Variants in MAGI1 observed in about 807,000 individuals in gnomAD.
The protein encoded by MAGI1 is membrane associated guanylate kinase, WW and PDZ domain containing 1, also known as membrane-associated guanylate kinase, WW and PDZ domain-containing protein 1.
A neutral mutation model predicts 139.9 loss-of-function variants in MAGI1; 58 were observed. That is an observed-to-expected ratio of 0.41 (90% confidence interval 0.34 to 0.52). MAGI1 has a LOEUF of 0.52. Among genes scored for constraint, MAGI1 ranks in the 20% least tolerant of loss-of-function variants. MAGI1 has a pLI of 0.12. For missense variants in MAGI1, 1,874 were observed against 1,901.6 expected (o/e 0.99, Z 0.27); for synonymous variants, 812 against 737.9 (o/e 1.10, Z -1.63).
intron 1 of MAGI1, among the ~76,000 whole-genome samples, chr3:65,851,255 T>A (rs2059192025): frequency 6.6e-6 from 1 of 152,202 alleles, no homozygotes; most frequent in African/African-American, 2.4e-5. Flanking sequence ...TCAGGATTGT[T>A]GACGCTATCA....
chr3:65,885,450 G>A (rs1458575362), intron 1 of MAGI1, among the ~76,000 whole-genome samples: 1 of 151,906 alleles, frequency 6.6e-6, no homozygotes, highest in Non-Finnish European at 1.5e-5. Context: ...TCCCTATCAA[G>A]TATAATGAGG....
chr3:65,688,171 G>T (rs541316686), intron 1 of MAGI1: 2 of 771,238 alleles, frequency 2.6e-6, no homozygotes, highest in Non-Finnish European at 4.6e-6. Flanking sequence ...ACTGACCCCC[G>T]TGAGAGCGGC....
chr3:65,732,844 A>G (rs1182695320), intron 1 of MAGI1, among the ~76,000 whole-genome samples: 1 of 152,146 alleles, frequency 6.6e-6, no homozygotes, highest in East Asian at 1.9e-4. Flanking sequence ...TCTGGCAAAA[A>G]AACTATGACT....
chr3:65,551,359 C>A (rs530177389), intron 2 of MAGI1, among the ~76,000 whole-genome samples: 1 of 152,104 alleles, frequency 6.6e-6, no homozygotes, highest in Non-Finnish European at 1.5e-5. Context: ...GGAGTGCAGT[C>A]GCATGATCTT....
At chr3:65,891,310 A>G (rs1252110707) in intron 1 of MAGI1, among the ~76,000 whole-genome samples, 1 of 152,136 alleles carries the variant, frequency 6.6e-6, no homozygotes, top group Non-Finnish European at 1.5e-5. Context: ...TCTTTAAAGA[A>G]TGAGACAGAT....
intron 1 of MAGI1, among the ~76,000 whole-genome samples, chr3:65,942,459 G>C (rs1265011343): frequency 6.6e-6 from 1 of 152,104 alleles, no homozygotes; most frequent in Non-Finnish European, 1.5e-5. Context: ...TGGTCTCCCA[G>C]CCCCATTACC....
intron 2 of MAGI1, among the ~76,000 whole-genome samples, chr3:65,516,813 C>T (rs1393698083): frequency 2.1e-5 from 3 of 141,230 alleles, no homozygotes; most frequent in Non-Finnish European, 4.6e-5. Flanking sequence ...CTGCAAGCTC[C>T]GCCTCCCGGG....
chr3:65,608,644 G>A (rs954168665), intron 2 of MAGI1, among the ~76,000 whole-genome samples: 5 of 152,060 alleles, frequency 3.3e-5, no homozygotes, highest in African/African-American at 1.2e-4. Context: ...ACCAAATGTT[G>A]GTGAGGATGA....
At chr3:65,688,097 T>A (rs1055322717) in intron 1 of MAGI1, 7 of 758,524 alleles carry the variant, frequency 9.2e-6, no homozygotes, top group Non-Finnish European at 1.6e-5. Flanking sequence ...CCCTGAACAC[T>A]GCACATAGGT....
intron 1 of MAGI1, among the ~76,000 whole-genome samples, chr3:65,987,744 T>G (rs1327967087): frequency 1.7e-5 from 2 of 119,342 alleles, no homozygotes; most frequent in Admixed American, 8.9e-5. Flanking sequence ...TAATTTTGCA[T>G]TTTTTGTAGG....
At chr3:65,690,085 A>G (rs1024970113) in intron 1 of MAGI1, among the ~76,000 whole-genome samples, 4 of 152,202 alleles carry the variant, frequency 2.6e-5, no homozygotes, top group East Asian at 1.9e-4. Flanking sequence ...GAGTGGCTGC[A>G]AGGAAAGGAC....
rs777762657 is a variant in MAGI1 at position 65,470,299 on chromosome 3, C to T, written c.943G>A (p.Glu315Lys). 1 of 1,605,174 alleles carries T rather than the reference C, an allele frequency of 6.2e-7. No individual in the cohort carries two copies. Among genetic ancestry groups the T allele is most frequent in the Admixed American group, 1.7e-5 (1 of 59,946 alleles). Residue 315 changes from glutamate (E) to lysine (K), a missense_variant, in exon 5 of 23, where the codon GAA becomes AAA. By Grantham distance (56) the Glu-to-Lys change is moderately conservative. Coordinates refer to ENST00000402939, the MANE Select transcript of MAGI1 (RefSeq NM_001033057.2). The stretch of plus-strand genomic sequence containing the variant: ...ATACTTTACTCTATAAAATAGACTT[C>T]TCCATTTTCAGTATAGGCCATCTCC... The part of the protein sequence containing the change: ...NWEMAYTENG[E>K]VYFIDHNTKT...
At chr3:65,378,725 AGGC>A (rs1169137477) in intron 17 of MAGI1, among the ~76,000 whole-genome samples, 1 of 147,438 alleles carries the variant, frequency 6.8e-6, no homozygotes, top group Non-Finnish European at 1.5e-5. Flanking sequence ...TGTGTCACCC[AGGC>A]TGGAATGCAG....
At chr3:65,763,577 G>GA (rs953049952) in intron 1 of MAGI1, among the ~76,000 whole-genome samples, 3 of 151,828 alleles carry the variant, frequency 2.0e-5, no homozygotes, top group Non-Finnish European at 2.9e-5. Flanking sequence ...GAGGCATAAA[G>GA]AAAAAAAATA....
At position 65,530,624 on chromosome 3, in the gene MAGI1, G is replaced by GTGGT. The variant is rs1204700107; in HGVS notation, c.431-36994_431-36993insACCA. Among the ~76,000 whole-genome samples the GTGGT allele has an allele frequency of 2.7e-4, 35 of 129,240 alleles. 1 individual carries two copies. Among genetic ancestry groups the GTGGT allele is most frequent in the African/African-American group, 5.4e-4 (17 of 31,240 alleles). The allele number at this position is 129,240 out of a possible 152,430, so 84.8% of individuals were successfully genotyped here. A position where few individuals can be genotyped will look rare whatever the true frequency, so the allele number is the denominator to read the frequency against. On this transcript the variant is annotated intron_variant, in intron 2 of 22. Coordinates refer to ENST00000402939, the MANE Select transcript of MAGI1 (RefSeq NM_001033057.2). Reference sequence around the variant, plus strand: ...GCAAGACACATACGTATGTGTGTGTGGTGTGTGTGTGTGTGTGTGTGTGTG... The same window carrying GTGGT: ...GCAAGACACATACGTATGTGTGTGTGTGGTGTGTGTGTGTGTGTGTGTGTGTGTG...
chr3:65,405,178 C>T (rs538955531), intron 12 of MAGI1, among the ~76,000 whole-genome samples: 1 of 152,238 alleles, frequency 6.6e-6, no homozygotes, highest in South Asian at 2.1e-4. Context: ...GCGAGAAAAG[C>T]TTGGGACTTG....
chr3:65,758,213 A>G, intron 1 of MAGI1, among the ~76,000 whole-genome samples: 1 of 152,202 alleles, frequency 6.6e-6, no homozygotes, highest in East Asian at 1.9e-4. Flanking sequence ...TGTTGAGCCA[A>G]TCACCTTTCC....
At chr3:65,775,819 T>G (rs1296381089) in intron 1 of MAGI1, among the ~76,000 whole-genome samples, 3 of 151,950 alleles carry the variant, frequency 2.0e-5, no homozygotes, top group Non-Finnish European at 4.4e-5. Flanking sequence ...GGCACATGCC[T>G]GTAGTCCCAG....
chr3:66,019,223 G>T (rs2067835497), intron 1 of MAGI1, among the ~76,000 whole-genome samples: 1 of 152,190 alleles, frequency 6.6e-6, no homozygotes, highest in Non-Finnish European at 1.5e-5. Context: ...AATCTATGGG[G>T]AATTCTGTGA....
Sources: gnomAD v4.1 joint callset for allele counts (sites outside exome capture counted in the v4.1 genomes callset) on GRCh38, gnomAD v4.1.1 for gene constraint, MANE v1.5 for transcripts, NCBI Gene and HGNC (gene_info 2026-07-23, HGNC 2026-07-21) for gene names.